HKDC1: variants seen among roughly 807,000 people sequenced by gnomAD.
HKDC1 encodes the protein hexokinase domain containing 1, also known as hexokinase HKDC1.
HKDC1 carries 66 observed loss-of-function variants against 96.6 expected under a neutral mutation model. That is an observed-to-expected ratio of 0.68 (90% CI 0.56 to 0.84). The LOEUF (loss-of-function observed/expected upper bound fraction) is 0.84. Ranked by LOEUF, HKDC1 falls within the 40% of genes least tolerant of loss-of-function variation. The probability of loss-of-function intolerance (pLI) is 0.00; values close to 1 mark genes in which losing one functional copy is unlikely to be tolerated. For missense variants in HKDC1, 1,211 were observed against 1,208.1 expected, an observed-to-expected ratio of 1.00 and a Z score of -0.04; for synonymous variants, 466 against 473.1, an observed-to-expected ratio of 0.98 and a Z score of 0.20.
At chr10:69,229,306 C>A (rs1371937374) in intron 2 of HKDC1, among the ~76,000 whole-genome samples, 4 of 152,210 alleles carry the variant, frequency 2.6e-5, no homozygotes, top group Admixed American at 2.0e-4. Context: ...GGTTGAGAGG[C>A]CCTGGGACAC....
chr10:69,263,102 T>C (rs1843834970), intron 16 of HKDC1, among the ~76,000 whole-genome samples: 1 of 152,172 alleles, frequency 6.6e-6, no homozygotes, highest in African/African-American at 2.4e-5. Context: ...TCTCACTCTG[T>C]TGCCTGGGCT....
intron 1 of HKDC1, among the ~76,000 whole-genome samples, chr10:69,224,578 C>T (rs896931284): frequency 2.6e-5 from 4 of 152,186 alleles, no homozygotes; most frequent in Non-Finnish European, 5.9e-5. Flanking sequence ...CCACTGCGCC[C>T]GGCCTTGGTA....
chr10:69,228,888 A>G (rs987791903), intron 2 of HKDC1, among the ~76,000 whole-genome samples: 1 of 134,596 alleles, frequency 7.4e-6, no homozygotes, highest in South Asian at 2.1e-4. Context: ...GAAAGGAAGA[A>G]GAAAGAAAGA....
Position 69,239,102 on chromosome 10 carries a change from G to T in HKDC1, c.556G>T (p.Val186Leu). 3 of 1,613,988 alleles carry T rather than the reference G, an allele frequency of 1.9e-6. No homozygotes were observed. The highest frequency in any genetic ancestry group is 1.7e-6 in the Non-Finnish European group (2 of 1,179,870). The stretch of plus-strand genomic sequence containing the variant: ...ACGAGGAGTTCAGGACACGGATGTG[G>T]TGAGCCGTCTGACCAAAGCCATGAG... ...KARGVQDTDV[V>L]SRLTKAMRRH... Residue 186 changes from valine (V) to leucine (L), a missense_variant, in exon 5 of 18, where the codon GTG becomes TTG. Transcript: ENST00000354624.
At chr10:69,252,179 C>A (rs1270821625) in intron 12 of HKDC1, among the ~76,000 whole-genome samples, 2 of 151,616 alleles carry the variant, frequency 1.3e-5, no homozygotes, top group Admixed American at 6.6e-5. Flanking sequence ...AATATGGAGA[C>A]ATTTATTACA....
intron 16 of HKDC1, among the ~76,000 whole-genome samples, chr10:69,264,306 A>G (rs1228265849): frequency 1.3e-5 from 2 of 150,394 alleles, no homozygotes; most frequent in African/African-American, 4.9e-5. Flanking sequence ...AGTGCATAGT[A>G]TTTTATAATC....
In HKDC1 at chr10:69,257,459, C is replaced by T; in HGVS notation, c.2032+33C>T. ...GTCAGGCATGGCCCATTGGCCTAAT[C>T]CCACTGTATCCATTGATGGTTTCCT... On this transcript the variant is annotated intron_variant, in intron 14 of 17. Transcript: ENST00000354624. 3 of 1,444,072 alleles carry T rather than the reference C, an allele frequency of 2.1e-6. No individual in the cohort carries two copies. In the South Asian group the frequency reaches 3.4e-5, roughly 16 times the overall value. The allele number at this position is 1,444,072 out of a possible 1,614,324, so 89.5% of individuals were successfully genotyped here.
At chr10:69,265,925 C>A in intron 17 of HKDC1, 107 bp downstream of exon 17, 1 of 792,806 alleles carries the variant, frequency 1.3e-6, no homozygotes, top group South Asian at 1.6e-5. Context: ...GCATCCCCGT[C>A]CTTTTATGGG....
In HKDC1 at chr10:69,243,318, G is replaced by A; in HGVS notation, c.828G>A (p.Glu276=). The A allele has an allele frequency of 6.2e-7, 1 of 1,611,626 alleles. No homozygotes were observed. The highest frequency in any genetic ancestry group is 1.1e-5 in the South Asian group (1 of 90,764). The change falls in exon 7 of 18, where the codon GAG becomes GAA. Residue 276 remains glutamate, a synonymous_variant. Coordinates refer to ENST00000354624, the MANE Select transcript of HKDC1 (RefSeq NM_025130.4). ...DDGALEDIRT[E]FDRELDLGSL... ...GGGCCCTGGAGGACATTCGCACTGA[G>A]TTCGACAGGGAGCTGGACCTCGGCT... is the stretch of plus-strand genomic sequence containing the variant.
chr10:69,222,653 T>G (rs1026524007), intron 1 of HKDC1, among the ~76,000 whole-genome samples: 12 of 152,234 alleles, frequency 7.9e-5, no homozygotes, highest in African/African-American at 2.9e-4. Context: ...ATGCAGCCTC[T>G]GCTGATGGGC....
chr10:69,248,029 C>T lies in HKDC1; in HGVS notation c.1266-395C>T, dbSNP rs187597568. On this transcript the variant is annotated intron_variant, in intron 9 of 17. Coordinates refer to ENST00000354624, the MANE Select transcript of HKDC1 (RefSeq NM_025130.4). ...TGGGAAGGGTCCTGGTAGGAAAACA[C>T]AGGGAAATGGGAATTTTCCAGAAGG... Among the ~76,000 whole-genome samples, 44 of 152,304 alleles carry T rather than the reference C, an allele frequency of 2.9e-4. No homozygotes were observed. In the South Asian group the frequency reaches 8.5e-3, roughly 29 times the overall value.
At chr10:69,256,465 T>C (rs1008330100) in intron 12 of HKDC1, among the ~76,000 whole-genome samples, 20 of 152,308 alleles carry the variant, frequency 1.3e-4, no homozygotes, top group African/African-American at 4.3e-4. Context: ...CCAGCACTTT[T>C]GGAGGCCAAG....
intron 12 of HKDC1, among the ~76,000 whole-genome samples, chr10:69,251,302 G>T (rs1843640980): frequency 6.6e-6 from 1 of 151,862 alleles, no homozygotes; most frequent in Non-Finnish European, 1.5e-5. Flanking sequence ...CACCATGTTG[G>T]CAAGGCTGGT....
intron 1 of HKDC1, among the ~76,000 whole-genome samples, chr10:69,225,580 G>A (rs552457183): frequency 1.3e-5 from 2 of 152,248 alleles, no homozygotes; most frequent in South Asian, 2.1e-4. Context: ...CAGTGTCTTG[G>A]GTCTGTTCGT....
At chr10:69,265,856 G>GGT in intron 17 of HKDC1, 38 bp downstream of exon 17, 1 of 1,276,310 alleles carries the variant, frequency 7.8e-7, no homozygotes, top group Non-Finnish European at 1.1e-6. Context: ...TGGGGCTGGG[G>GGT]AGGGCTGGCG....
Position 69,265,603 on chromosome 10 carries a change from C to G in HKDC1, c.2391C>G (p.Leu797=). 6.2e-7 allele frequency: 1 copy of G among 1,613,488 alleles called. No homozygotes were observed. Among genetic ancestry groups the G allele is most frequent in the Non-Finnish European group, 8.5e-7 (1 of 1,179,866 alleles). ...SQIESDRLAL[L]QVRRILQQLG... The stretch of plus-strand genomic sequence containing the variant: ...CCTGCAGCGATCGGCTGGCCCTTCT[C>G]CAGGTCAGGAGGATTCTGCAGCAGC... Residue 797 remains leucine (L), a synonymous_variant, in exon 17 of 18, where the codon CTC becomes CTG. Transcript: ENST00000354624.
In HKDC1 at chr10:69,250,406, C is replaced by A. The variant is rs374796484; in HGVS notation, c.1687C>A (p.Leu563Met). Reference protein sequence around the residue: ...RMYNKIFAIPLEIMQGTGEEL... With the variant: ...RMYNKIFAIPMEIMQGTGEEL... ...GTACAACAAGATCTTCGCCATCCCCCTGGAGATCATGCAGGGCACTGGTGA... is the reference window on the plus strand; with the variant it reads ...GTACAACAAGATCTTCGCCATCCCCATGGAGATCATGCAGGGCACTGGTGA... The change falls in exon 11 of 18, where the codon CTG becomes ATG. Residue 563 changes from leucine (L) to methionine (M), a missense_variant. Leu to Met is a conservative substitution (Grantham distance 15). Transcript: ENST00000354624. The A allele has an allele frequency of 4.5e-5, 73 of 1,613,868 alleles. No individual in the cohort carries two copies. The highest frequency in any genetic ancestry group is 5.7e-5 in the Non-Finnish European group (67 of 1,179,860).
At position 69,243,299 on chromosome 10, in the gene HKDC1, T is replaced by C. The variant is rs753715247; in HGVS notation, c.809T>C (p.Leu270Pro). The C allele has an allele frequency of 3.1e-6, 5 of 1,613,632 alleles. No individual in the cohort carries two copies. In the South Asian group the frequency reaches 5.5e-5, roughly 18 times the overall value. ...EWGAFGDDGA[L>P]EDIRTEFDRE... The stretch of plus-strand genomic sequence containing the variant: ...GGGGCCTTCGGGGACGACGGGGCCC[T>C]GGAGGACATTCGCACTGAGTTCGAC... Residue 270 changes from leucine (L) to proline (P), a missense_variant, in exon 7 of 18, where the codon CTG becomes CCG. By Grantham distance (98) the Leu-to-Pro change is moderately conservative. Transcript: ENST00000354624.
intron 15 of HKDC1, among the ~76,000 whole-genome samples, chr10:69,259,214 C>A (rs1228018453): frequency 1.3e-5 from 2 of 152,202 alleles, no homozygotes; most frequent in Non-Finnish European, 2.9e-5. Flanking sequence ...AGGCTGCCAG[C>A]ATGTTCATTC....
Sources: gnomAD v4.1 joint callset for allele counts (sites outside exome capture counted in the v4.1 genomes callset) on GRCh38, gnomAD v4.1.1 for gene constraint, MANE v1.5 for transcripts, NCBI Gene and HGNC (gene_info 2026-07-23, HGNC 2026-07-21) for gene names.